The following OPRD1 variants were observed in gnomAD, a reference collection of about 807,000 sequenced individuals.
OPRD1 encodes the protein opioid receptor delta 1, also known as delta-type opioid receptor.
OPRD1 carries 19 observed loss-of-function variants against 17.5 expected under a neutral mutation model. That is an observed-to-expected ratio of 1.09 (90% CI 0.76 to 1.60). The LOEUF is 1.60. Among genes scored for constraint, OPRD1 ranks in the 40% most tolerant of loss-of-function variants. The probability of loss-of-function intolerance (pLI) is 0.00; values close to 1 mark genes in which losing one functional copy is unlikely to be tolerated. For synonymous variants in OPRD1, 256 were observed against 240.9 expected (o/e 1.06, Z -0.58); for missense variants, 483 against 547.2 (o/e 0.88, Z 1.17).
chr1:28,820,045 C>T lies in OPRD1; in HGVS notation c.227+7435C>T, dbSNP rs138550525. Among the ~76,000 whole-genome samples the T allele has an allele frequency of 4.0e-3, 602 of 152,180 alleles. 4 individuals are homozygous for T. Among genetic ancestry groups the T allele is most frequent in the African/African-American group, 0.014 (571 of 41,512 alleles). On this transcript the variant is annotated intron_variant, in intron 1 of 2. Coordinates refer to ENST00000234961, the MANE Select transcript of OPRD1 (RefSeq NM_000911.4). ...TCACAGAGTGGTTATGAGGAGTTCACGAGGCCTGATATGAGGGACTTCAGC... is the reference window on the plus strand; with the variant it reads ...TCACAGAGTGGTTATGAGGAGTTCATGAGGCCTGATATGAGGGACTTCAGC...
intron 1 of OPRD1, among the ~76,000 whole-genome samples, chr1:28,855,545 G>A (rs2089048997): frequency 6.6e-6 from 1 of 152,148 alleles, no homozygotes; most frequent in Non-Finnish European, 1.5e-5. Flanking sequence ...GCGTGGCTGT[G>A]GGTGGAGGGG....
chr1:28,823,063 G>T (rs573537763), intron 1 of OPRD1, among the ~76,000 whole-genome samples: 57 of 152,162 alleles, frequency 3.7e-4, no homozygotes, highest in African/African-American at 1.3e-3. Flanking sequence ...TGGGAGCTGT[G>T]GGGTGGAATG....
intron 1 of OPRD1, among the ~76,000 whole-genome samples, chr1:28,851,626 C>T (rs1229507046): frequency 6.6e-6 from 1 of 152,056 alleles, no homozygotes; most frequent in Non-Finnish European, 1.5e-5. Context: ...AATCCCAGCA[C>T]TTTGGGAGGC....
intron 1 of OPRD1, among the ~76,000 whole-genome samples, chr1:28,855,361 G>A (rs2089046683): frequency 6.6e-6 from 1 of 152,192 alleles, no homozygotes; most frequent in Non-Finnish European, 1.5e-5. Flanking sequence ...GCCAGTGTGT[G>A]GCAGGGGCAC....
intron 1 of OPRD1, among the ~76,000 whole-genome samples, chr1:28,852,164 T>TAAAAA (rs71030305): frequency 6.9e-4 from 60 of 86,354 alleles, no homozygotes; most frequent in Middle Eastern, 6.8e-3. Flanking sequence ...AAACTCCATG[T>TAAAAA]AAAAAAAAAA....
chr1:28,854,939 T>C (rs1436563431), intron 1 of OPRD1, among the ~76,000 whole-genome samples: 3 of 152,236 alleles, frequency 2.0e-5, no homozygotes, highest in Non-Finnish European at 2.9e-5. Context: ...CATGAGCCAC[T>C]GCGCCTGGCT....
chr1:28,817,060 A>G (rs2088676650), intron 1 of OPRD1, among the ~76,000 whole-genome samples: 1 of 152,062 alleles, frequency 6.6e-6, no homozygotes, highest in Non-Finnish European at 1.5e-5. Context: ...CCCTCGCAGC[A>G]TGCCCTGCCT....
intron 1 of OPRD1, among the ~76,000 whole-genome samples, chr1:28,846,664 CAG>C (rs1416265657): frequency 7.0e-6 from 1 of 142,204 alleles, no homozygotes; most frequent in Non-Finnish European, 1.5e-5. Context: ...GCCTGGGCGA[CAG>C]AGCAAGACTC....
At chr1:28,823,502 T>C (rs1175237472) in intron 1 of OPRD1, among the ~76,000 whole-genome samples, 4 of 152,076 alleles carry the variant, frequency 2.6e-5, no homozygotes, top group Admixed American at 6.6e-5. Context: ...GTTCAAGCAA[T>C]TCCCCTGCCT....
In OPRD1 at chr1:28,862,914, G is replaced by A. The variant is rs1445395279; in HGVS notation, c.750G>A (p.Lys250=). The A allele has an allele frequency of 1.2e-6, 2 of 1,612,738 alleles. No individual in the cohort carries two copies. Among genetic ancestry groups the A allele is most frequent in the African/African-American group, 2.7e-5 (2 of 74,954 alleles). Residue 250 remains lysine (K), a synonymous_variant, in exon 3 of 3, where the codon AAG becomes AAA. Transcript: ENST00000234961. Reference sequence around the variant, plus strand: ...GTGTGCGCCTGCTGTCGGGCTCCAAGGAGAAGGACCGCAGCCTGCGGCGCA... The same window carrying A: ...GTGTGCGCCTGCTGTCGGGCTCCAAAGAGAAGGACCGCAGCCTGCGGCGCA... The part of the protein sequence containing the change: ...LRSVRLLSGS[K]EKDRSLRRIT...
chr1:28,854,590 G>C (rs2089037777), intron 1 of OPRD1, among the ~76,000 whole-genome samples: 1 of 151,958 alleles, frequency 6.6e-6, no homozygotes, highest in Non-Finnish European at 1.5e-5. Flanking sequence ...GGCTGCCGCA[G>C]TGTCCCTGTG....
intron 1 of OPRD1, among the ~76,000 whole-genome samples, chr1:28,820,836 G>T (rs2088706875): frequency 6.6e-6 from 1 of 151,156 alleles, no homozygotes; most frequent in African/African-American, 2.4e-5. Flanking sequence ...CTGACCCCAG[G>T]TGATCTGCCC....
intron 1 of OPRD1, among the ~76,000 whole-genome samples, chr1:28,838,463 G>T (rs1177191061): frequency 6.6e-6 from 1 of 152,150 alleles, no homozygotes; most frequent in Admixed American, 6.5e-5. Flanking sequence ...CATCTGTAAA[G>T]TGAGAGAGGA....
intron 1 of OPRD1, among the ~76,000 whole-genome samples, chr1:28,821,530 A>T (rs2088712351): frequency 6.6e-6 from 1 of 152,006 alleles, no homozygotes; most frequent in South Asian, 2.1e-4. Context: ...GAGCCGACAC[A>T]CCCAGCTTTG....
chr1:28,838,978 C>A (rs973187427), intron 1 of OPRD1, among the ~76,000 whole-genome samples: 1 of 152,092 alleles, frequency 6.6e-6, no homozygotes, highest in Non-Finnish European at 1.5e-5. Context: ...CAGGCACCAT[C>A]GTGGCACACT....
In OPRD1 at chr1:28,849,534, GCA is replaced by G. The variant is rs777529695; in HGVS notation, c.228-9412_228-9411del. Among the ~76,000 whole-genome samples, 5 of 152,084 alleles carry G rather than the reference GCA, an allele frequency of 3.3e-5. No individual in the cohort carries two copies. In the East Asian group the frequency reaches 5.8e-4, roughly 18 times the overall value. On this transcript the variant is annotated intron_variant, in intron 1 of 2. Coordinates refer to ENST00000234961, the MANE Select transcript of OPRD1 (RefSeq NM_000911.4). ...CACACACACACACGCACACACAGGGGCACACACACGTGCCCACGCACACGTGC... is the reference window on the plus strand; with the variant it reads ...CACACACACACACGCACACACAGGGGCACACACGTGCCCACGCACACGTGC...
chr1:28,816,160 G>A (rs2088670332), intron 1 of OPRD1, among the ~76,000 whole-genome samples: 2 of 152,114 alleles, frequency 1.3e-5, no homozygotes, highest in Non-Finnish European at 2.9e-5. Flanking sequence ...TAAATGCCAA[G>A]AAAAAAACCA....
chr1:28,863,336 G>A lies in OPRD1; in HGVS notation c.*53G>A, dbSNP rs2089144423. ...CTCCCTAGTGACCCGGAGGCCACAT[G>A]AGTCCCAGTGGGAGGCGCGAGCCAT... On this transcript the variant is annotated 3_prime_UTR_variant, in exon 3 of 3. Transcript: ENST00000234961. The A allele has an allele frequency of 1.4e-5, 19 of 1,396,142 alleles. No individual in the cohort carries two copies. The Admixed American group carries it at 2.1e-4, about 15-fold the overall frequency. 86.5% of individuals were successfully genotyped at this position (1,396,142 alleles called of 1,614,324 possible).
intron 1 of OPRD1, among the ~76,000 whole-genome samples, chr1:28,845,350 A>C (rs797415): frequency 0.64 from 96,785 of 151,598 alleles, 33,546 homozygotes; most frequent in East Asian, 0.92. Context: ...TTAGCCGGGC[A>C]TGCTGGTGGG....
Sources: gnomAD v4.1 joint callset for allele counts (sites outside exome capture counted in the v4.1 genomes callset) on GRCh38, gnomAD v4.1.1 for gene constraint, MANE v1.5 for transcripts, NCBI Gene and HGNC (gene_info 2026-07-23, HGNC 2026-07-21) for gene names.